Variants in SEMA6D observed in about 807,000 individuals in gnomAD.
SEMA6D encodes the protein semaphorin 6D, also known as semaphorin-6D.
A neutral mutation model predicts 106.6 loss-of-function variants in SEMA6D; 35 were observed. The ratio of observed to expected loss-of-function variants is 0.33; its 90% CI spans 0.25 to 0.44. The LOEUF is 0.44. Among genes scored for constraint, SEMA6D ranks in the 20% least tolerant of loss-of-function variants. The pLI is 1.00. For missense variants in SEMA6D, 1,185 were observed against 1,345.9 expected (o/e 0.88, Z 1.87); for synonymous variants, 499 against 487.7 (o/e 1.02, Z -0.31).
In SEMA6D at chr15:47,312,368, T is replaced by C. The variant is rs868707531; in HGVS notation, c.-238-100025T>C. ...TATGATTGAGCATAATCTTTCCTTATTCTCTATAATTGAATTCCTTTCTTT... is the reference window on the plus strand; with the variant it reads ...TATGATTGAGCATAATCTTTCCTTACTCTCTATAATTGAATTCCTTTCTTT... On this transcript the variant is annotated intron_variant, in intron 1 of 19. Transcript: ENST00000558014. Among the ~76,000 whole-genome samples, 16 of 152,322 alleles carry C rather than the reference T, an allele frequency of 1.1e-4. No individual in the cohort carries two copies. In the Middle Eastern group the frequency reaches 0.01, roughly 97 times the overall value.
In SEMA6D at chr15:47,233,928, A is replaced by G. The variant is rs977813714; in HGVS notation, c.-239+49510A>G. Among the ~76,000 whole-genome samples, 7 of 151,956 alleles carry G rather than the reference A, an allele frequency of 4.6e-5. No individual in the cohort carries two copies. In the South Asian group the frequency reaches 1.0e-3, roughly 23 times the overall value. ...TTATTTCCTTTTCTTGTCTTATTGC[A>G]TTAGCTAGGAACTCCAATACAATGT... is the stretch of plus-strand genomic sequence containing the variant. On this transcript the variant is annotated intron_variant, in intron 1 of 19. Transcript: ENST00000558014.
chr15:47,739,344 C>T (rs950799614), intron 1 of SEMA6D, among the ~76,000 whole-genome samples: 6 of 152,096 alleles, frequency 3.9e-5, no homozygotes, highest in African/African-American at 1.4e-4. Flanking sequence ...ATGGGTTCTC[C>T]GTTAACCTAG....
intron 1 of SEMA6D, among the ~76,000 whole-genome samples, chr15:47,263,667 C>G (rs539308835): frequency 3.3e-5 from 5 of 151,846 alleles, no homozygotes; most frequent in African/African-American, 1.2e-4. Context: ...GGCGATTCCC[C>G]GAAGACTTAA....
intron 1 of SEMA6D, among the ~76,000 whole-genome samples, chr15:47,758,642 G>A (rs1426353084): frequency 4.6e-5 from 7 of 152,064 alleles, no homozygotes; most frequent in African/African-American, 7.2e-5. Context: ...GTAATAAACT[G>A]CACATATTTA....
At chr15:47,293,372 T>C (rs916061986) in intron 1 of SEMA6D, among the ~76,000 whole-genome samples, 1 of 152,230 alleles carries the variant, frequency 6.6e-6, no homozygotes, top group Non-Finnish European at 1.5e-5. Context: ...GGCAGTTCCT[T>C]ACTGGGCTGT....
chr15:47,392,432 A>C (rs1006418940), intron 1 of SEMA6D, among the ~76,000 whole-genome samples: 2 of 152,136 alleles, frequency 1.3e-5, no homozygotes, highest in African/African-American at 4.8e-5. Context: ...TGTTTTTATA[A>C]ATCAAAGAAG....
chr15:47,248,584 T>C (rs1047957726), intron 1 of SEMA6D, among the ~76,000 whole-genome samples: 1 of 152,230 alleles, frequency 6.6e-6, no homozygotes, highest in Non-Finnish European at 1.5e-5. Flanking sequence ...ACCTAATATA[T>C]TCTAGAGAGA....
chr15:47,370,866 A>AAAAT (rs1471373063), intron 1 of SEMA6D, among the ~76,000 whole-genome samples: 1 of 151,950 alleles, frequency 6.6e-6, no homozygotes, highest in African/African-American at 2.4e-5. Context: ...ACTCCATCTC[A>AAAAT]AAATAAATAA....
At position 47,260,015 on chromosome 15, in the gene SEMA6D, T is replaced by C. The variant is rs145549933; in HGVS notation, c.-239+75597T>C. ...TTAGCATGTTTTTTTTTTTCCATTT[T>C]GGTTATTGTATTTCCAGTTCTATAA... On this transcript the variant is annotated intron_variant, in intron 1 of 19. Coordinates refer to the SEMA6D transcript ENST00000558014. Among the ~76,000 whole-genome samples, 132 of 152,160 alleles carry C rather than the reference T, an allele frequency of 8.7e-4. 1 individual carries two copies. The highest frequency in any genetic ancestry group is 3.1e-3 in the African/African-American group (127 of 41,566).
At chr15:47,267,341 G>GT (rs911828019) in intron 1 of SEMA6D, among the ~76,000 whole-genome samples, 4 of 151,138 alleles carry the variant, frequency 2.6e-5, no homozygotes, top group Admixed American at 2.6e-4. Context: ...GTAACTTTAT[G>GT]TTTTTTTCCT....
At chr15:47,266,679 T>G (rs1173074715) in intron 1 of SEMA6D, among the ~76,000 whole-genome samples, 3 of 151,922 alleles carry the variant, frequency 2.0e-5, no homozygotes, top group African/African-American at 7.3e-5. Flanking sequence ...GAGCAACAAG[T>G]AGATGGTCCA....
chr15:47,656,246 G>C (rs1030926276), intron 4 of SEMA6D, among the ~76,000 whole-genome samples: 2 of 152,142 alleles, frequency 1.3e-5, no homozygotes, highest in Admixed American at 6.5e-5. Flanking sequence ...TATCAAACAA[G>C]GTTATGTATT....
At chr15:47,189,757 TCAAA>T (rs1280580321) in intron 1 of SEMA6D, among the ~76,000 whole-genome samples, 7 of 152,310 alleles carry the variant, frequency 4.6e-5, no homozygotes, top group Non-Finnish European at 7.3e-5. Flanking sequence ...AAACGAACTA[TCAAA>T]CAGACAATGA....
chr15:47,461,395 C>T (rs929536345), intron 2 of SEMA6D, among the ~76,000 whole-genome samples: 2 of 151,868 alleles, frequency 1.3e-5, no homozygotes, highest in African/African-American at 4.8e-5. Flanking sequence ...TGTGCTTTCT[C>T]CCCCACTATT....
At chr15:47,345,691 A>G (rs590777) in intron 1 of SEMA6D, among the ~76,000 whole-genome samples, 81,007 of 152,050 alleles carry the variant, frequency 0.53, 24,704 homozygotes, top group African/African-American at 0.85. Context: ...CCCATAAAGG[A>G]ACTAATTGAT....
At chr15:47,595,625 T>G (rs1297522379) in intron 3 of SEMA6D, among the ~76,000 whole-genome samples, 1 of 152,184 alleles carries the variant, frequency 6.6e-6, no homozygotes, top group Non-Finnish European at 1.5e-5. Context: ...TACTCCTTCT[T>G]CTTTATTTTT....
chr15:47,432,845 T>G (rs146009617), intron 2 of SEMA6D, among the ~76,000 whole-genome samples: 1 of 152,248 alleles, frequency 6.6e-6, no homozygotes, highest in African/African-American at 2.4e-5. Flanking sequence ...CATTTTTGCT[T>G]TGGTGAGAAG....
intron 3 of SEMA6D, among the ~76,000 whole-genome samples, chr15:47,553,441 G>A (rs958649391): frequency 4.6e-5 from 7 of 152,048 alleles, no homozygotes; most frequent in East Asian, 3.9e-4. Flanking sequence ...GCCCACACCC[G>A]CGCCTATCAG....
chr15:47,716,295 C>G (rs2079114210), upstream of SEMA6D, among the ~76,000 whole-genome samples: 1 of 152,158 alleles, frequency 6.6e-6, no homozygotes, highest in South Asian at 2.1e-4. Context: ...AGTCCTGCAG[C>G]AGTTGCTTGG....
Sources: gnomAD v4.1 joint callset for allele counts (sites outside exome capture counted in the v4.1 genomes callset) on GRCh38, gnomAD v4.1.1 for gene constraint, MANE v1.5 for transcripts, NCBI Gene and HGNC (gene_info 2026-07-23, HGNC 2026-07-21) for gene names.